Variants in LRCH2 observed in about 807,000 individuals in gnomAD.
LRCH2 encodes the protein leucine-rich repeat and calponin homology domain-containing protein 2.
In LRCH2, 38 loss-of-function variants were observed where a neutral mutation model predicts 68.9. The observed-to-expected ratio is 0.55, with a 90% CI of 0.43 to 0.72. The LOEUF (loss-of-function observed/expected upper bound fraction) is 0.72. LRCH2 is among the 30% of genes least tolerant of loss of function. The pLI, the probability that LRCH2 is intolerant of heterozygous loss-of-function variation, is 0.00. For synonymous variants in LRCH2, 191 were observed against 208.1 expected, an observed-to-expected ratio of 0.92 and a Z score of 0.71; for missense variants, 528 against 572.9, an observed-to-expected ratio of 0.92 and a Z score of 0.80.
At position 115,190,839 on chromosome X, in the gene LRCH2, AG is replaced by A. The variant is rs1556558242; in HGVS notation, c.350-2470del. On this transcript the variant is annotated intron_variant, in intron 1 of 20. Transcript: ENST00000317135. ...GTTCCAGCTGGAGCGACTGCTGCGG[AG>A]GAGGAGGCCGTTATGAGGAGTACCA... 6 of 1,153,055 alleles carry A rather than the reference AG, an allele frequency of 5.2e-6. No homozygotes were observed. The Admixed American group carries it at 1.6e-4, about 31-fold the overall frequency.
rs1054596045 is a variant in LRCH2 at position 115,165,682 on chromosome X, A to G, written c.1199-27T>C. On this transcript the variant is annotated intron_variant, in intron 8 of 20. Coordinates refer to ENST00000317135, the MANE Select transcript of LRCH2 (RefSeq NM_020871.4). ...TAGGTACAGATTAATATTTATTAGA[A>G]AATGTACATAGTAAACTGTATGCTT... 4.9e-6 allele frequency: 5 copies of G among 1,029,346 alleles called. No homozygotes were observed. The African/African-American group carries it at 9.5e-5, about 20-fold the overall frequency. 84.8% of individuals were successfully genotyped at this position (1,029,346 alleles called of 1,213,427 possible). A position where few individuals can be genotyped will look rare whatever the true frequency, so the allele number is the denominator to read the frequency against.
At chrX:115,135,645 GA>G (rs2072284236) in intron 14 of LRCH2, among the ~76,000 whole-genome samples, 1 of 111,733 alleles carries the variant, frequency 8.9e-6, no homozygotes, top group Non-Finnish European at 1.9e-5. Flanking sequence ...GGTTTTAGAG[GA>G]TTGACTCCAA....
Position 115,190,836 on chromosome X carries a change from CGG to C in LRCH2, c.350-2468_350-2467del, listed in dbSNP as rs1569515806. ...ACAGTTCCAGCTGGAGCGACTGCTG[CGG>C]AGGAGGAGGCCGTTATGAGGAGTAC... On this transcript the variant is annotated intron_variant, in intron 1 of 20. Coordinates refer to ENST00000317135, the MANE Select transcript of LRCH2 (RefSeq NM_020871.4). The C allele has an allele frequency of 5.2e-6, 6 of 1,152,965 alleles. No individual in the cohort carries two copies. The Admixed American group carries it at 1.6e-4, about 31-fold the overall frequency.
At chrX:115,192,850 G>C in intron 1 of LRCH2, 1 of 432,379 alleles carries the variant, frequency 2.3e-6, no homozygotes, top group Admixed American at 4.2e-5. Context: ...ACAAGTTCTT[G>C]TTAAAAGTAT....
At chrX:115,166,190 G>A in intron 7 of LRCH2, 65 bp downstream of exon 7, 1 of 808,718 alleles carries the variant, frequency 1.2e-6, no homozygotes, top group South Asian at 2.4e-5. Context: ...TATGCACAAG[G>A]GTCTCTATTT....
intron 1 of LRCH2, among the ~76,000 whole-genome samples, chrX:115,218,668 G>T: frequency 8.9e-6 from 1 of 112,083 alleles, no homozygotes; most frequent in South Asian, 3.7e-4. Flanking sequence ...ATCGCTTTCT[G>T]CAACCAATCA....
intron 1 of LRCH2, among the ~76,000 whole-genome samples, chrX:115,199,853 C>T (rs1484068377): frequency 1.8e-5 from 2 of 112,322 alleles, no homozygotes; most frequent in African/African-American, 3.2e-5. Context: ...TACACTCTTT[C>T]GATGAGCACA....
intron 1 of LRCH2, chrX:115,190,824 G>A (rs1556558212): frequency 8.7e-7 from 1 of 1,154,085 alleles, no homozygotes; most frequent in Non-Finnish European, 1.2e-6. Context: ...GTTCCAGCTG[G>A]AGCGACTGCT....
Position 115,163,678 on chromosome X carries a change from G to A in LRCH2, c.1461C>T (p.Asn487=), listed in dbSNP as rs1556543070. 3.7e-5 allele frequency: 43 copies of A among 1,173,784 alleles called. No homozygotes were observed. The highest frequency in any genetic ancestry group is 4.9e-5 in the Non-Finnish European group (43 of 870,501). ...AAQLLQQEQK[N]RILNHSTSVM... ...AATCTCATTACTGAAAGGAATACCT[G>A]TTCTTCTGTTCTTGCTGCAATAACT... is the stretch of plus-strand genomic sequence containing the variant. Residue 487 remains asparagine, a splice_region_variant and synonymous_variant, in exon 11 of 21, where the codon AAC becomes AAT. Transcript: ENST00000317135.
chrX:115,166,456 T>A, intron 6 of LRCH2, 114 bp from the exon 7 acceptor site: 3 of 472,105 alleles, frequency 6.4e-6, no homozygotes, highest in Non-Finnish European at 1.1e-5. Flanking sequence ...ATGTCTAAGA[T>A]CCTTAATTAG....
intron 6 of LRCH2, among the ~76,000 whole-genome samples, chrX:115,167,698 T>C (rs782382671): frequency 2.1e-4 from 24 of 112,032 alleles, no homozygotes; most frequent in African/African-American, 6.8e-4. Context: ...GGAAAAATTA[T>C]AACATTTGCT....
rs1556544396 is a variant in LRCH2 at position 115,165,634 on chromosome X, A to G, written c.1220T>C (p.Val407Ala). 8.6e-7 allele frequency: 1 copy of G among 1,157,949 alleles called. No homozygotes were observed. The highest frequency in any genetic ancestry group is 1.9e-5 in the South Asian group (1 of 51,742). ...SQKDQEVYDF[V>A]DPNTEDVAVP... ...TGCTACATCTTCTGTGTTGGGGTCA[A>G]CAAAATCATATACCTCCTGGTCTAG... Residue 407 changes from valine (V) to alanine (A), a missense_variant, in exon 9 of 21, where the codon GTT becomes GCT. Transcript: ENST00000317135.
At chrX:115,172,752 A>ATTTTTT (rs35680669) in intron 5 of LRCH2, among the ~76,000 whole-genome samples, 1 of 82,764 alleles carries the variant, frequency 1.2e-5, no homozygotes, top group Non-Finnish European at 2.3e-5. Flanking sequence ...CTTACTTTCT[A>ATTTTTT]TTTTTTTTTT....
intron 5 of LRCH2, among the ~76,000 whole-genome samples, chrX:115,178,615 G>A (rs1481343790): frequency 8.9e-6 from 1 of 111,865 alleles, no homozygotes; most frequent in Non-Finnish European, 1.9e-5. Flanking sequence ...CCCATAGCAG[G>A]CACAAGTTTC....
intron 1 of LRCH2, among the ~76,000 whole-genome samples, chrX:115,223,934 A>G (rs1214429337): frequency 9.1e-6 from 1 of 110,283 alleles, no homozygotes; most frequent in Non-Finnish European, 1.9e-5. Context: ...CTCGAAAAAA[A>G]AAAAAGAAGA....
intron 2 of LRCH2, among the ~76,000 whole-genome samples, chrX:115,185,443 G>C (rs2147411577): frequency 8.9e-6 from 1 of 112,057 alleles, no homozygotes; most frequent in South Asian, 3.7e-4. Context: ...TGCCAAAACA[G>C]ACTGACTGAC....
chrX:115,121,241 G>A (rs1455885375), intron 20 of LRCH2, among the ~76,000 whole-genome samples: 3 of 110,571 alleles, frequency 2.7e-5, no homozygotes, highest in Non-Finnish European at 3.8e-5. Flanking sequence ...ATGGCAAAAC[G>A]GGAAAATCTG....
At chrX:115,197,268 A>T (rs1410320358) in intron 1 of LRCH2, among the ~76,000 whole-genome samples, 1 of 111,542 alleles carries the variant, frequency 9.0e-6, no homozygotes, top group Non-Finnish European at 1.9e-5. Context: ...AATGAATGTA[A>T]TAATTCTCCA....
chrX:115,124,838 G>C (rs1556527051), intron 16 of LRCH2, among the ~76,000 whole-genome samples: 1 of 111,264 alleles, frequency 9.0e-6, no homozygotes, highest in Non-Finnish European at 1.9e-5. Flanking sequence ...GCTGCTTTTA[G>C]GTACAAATAT....
Sources: allele counts gnomAD v4.1 joint callset (sites outside exome capture counted in the v4.1 genomes callset), GRCh38; gene constraint gnomAD v4.1.1; transcripts MANE v1.5; gene names NCBI Gene and HGNC (gene_info 2026-07-23, HGNC 2026-07-21).